Variants in ELMO1 observed in about 807,000 individuals in gnomAD.
The protein encoded by ELMO1 is engulfment and cell motility 1.
A neutral mutation model predicts 98.9 loss-of-function variants in ELMO1; 26 were observed. The ratio of observed to expected loss-of-function variants is 0.26; its 90% CI spans 0.19 to 0.36. ELMO1 has a LOEUF of 0.36. ELMO1 is among the 10% of genes least tolerant of loss of function. The pLI, the probability that ELMO1 is intolerant of heterozygous loss-of-function variation, is 1.00. For missense variants in ELMO1, 627 were observed against 935.2 expected (o/e 0.67, Z 4.30); for synonymous variants, 346 against 346.0 (o/e 1.00, Z 0.00).
intron 15 of ELMO1, among the ~76,000 whole-genome samples, chr7:37,065,063 C>G (rs1796881010): frequency 6.6e-6 from 1 of 152,058 alleles, no homozygotes; most frequent in Admixed American, 6.6e-5. Flanking sequence ...AAACTCACTC[C>G]CAAACACCAC....
intron 16 of ELMO1, among the ~76,000 whole-genome samples, chr7:36,990,266 C>T (rs1264030287): frequency 6.6e-6 from 1 of 152,196 alleles, no homozygotes; most frequent in Non-Finnish European, 1.5e-5. Flanking sequence ...GCTTACAGAG[C>T]TGCTGGTGAG....
intron 15 of ELMO1, among the ~76,000 whole-genome samples, chr7:37,041,260 G>C (rs1176770837): frequency 6.6e-6 from 1 of 152,138 alleles, no homozygotes; most frequent in Non-Finnish European, 1.5e-5. Flanking sequence ...TGTCCTTAGG[G>C]GAAAGGAATA....
chr7:36,958,175 CT>C (rs1208040986), intron 16 of ELMO1, among the ~76,000 whole-genome samples: 1 of 152,184 alleles, frequency 6.6e-6, no homozygotes, highest in Non-Finnish European at 1.5e-5. Context: ...ATAATCTCTC[CT>C]TTTGTATTCA....
At chr7:37,282,029 TGTGGA>T in intron 4 of ELMO1, among the ~76,000 whole-genome samples, 1 of 108 alleles carries the variant, frequency 9.3e-3, no homozygotes, top group Middle Eastern at 0.5. Flanking sequence ...TCAGCCTCCA[TGTGGA>T]TGGGTAATAA....
At chr7:37,321,716 CAAAAAAA>C (rs565421716) in intron 2 of ELMO1, among the ~76,000 whole-genome samples, 64 of 66,086 alleles carry the variant, frequency 9.7e-4, no homozygotes, top group Middle Eastern at 8.9e-3. Flanking sequence ...GACTCCGTCT[CAAAAAAA>C]AAAAAAAAAA....
At chr7:36,900,150 A>C (rs1806381148) in intron 16 of ELMO1, among the ~76,000 whole-genome samples, 1 of 152,172 alleles carries the variant, frequency 6.6e-6, no homozygotes, top group African/African-American at 2.4e-5. Flanking sequence ...TCTCTAGGTG[A>C]TTTTAATGCA....
At chr7:36,979,095 T>C (rs1374769799) in intron 16 of ELMO1, among the ~76,000 whole-genome samples, 1 of 152,154 alleles carries the variant, frequency 6.6e-6, no homozygotes, top group African/African-American at 2.4e-5. Context: ...GTGTAGTGCC[T>C]TTCTCTCTGG....
chr7:37,372,629 A>C (rs1385624781), intron 1 of ELMO1, among the ~76,000 whole-genome samples: 1 of 152,190 alleles, frequency 6.6e-6, no homozygotes, highest in Non-Finnish European at 1.5e-5. Flanking sequence ...TACACTAATA[A>C]AATTTTCTCT....
At position 37,179,461 on chromosome 7, in the gene ELMO1, T is replaced by C. The variant is rs192619274; in HGVS notation, c.1086+31925A>G. Among the ~76,000 whole-genome samples, 1,492 of 152,154 alleles carry C rather than the reference T, an allele frequency of 9.8e-3. 15 individuals are homozygous for C. Among genetic ancestry groups the C allele is most frequent in the South Asian group, 0.033 (157 of 4,806 alleles). On this transcript the variant is annotated intron_variant, in intron 13 of 21. Transcript: ENST00000310758. ...ACCGGCTAATTTTTTGTATTTTTAG[T>C]AGAGACAGGATTTCACTATGTTGCC...
intron 15 of ELMO1, among the ~76,000 whole-genome samples, chr7:37,072,986 C>CA (rs1209108032): frequency 6.6e-6 from 1 of 152,156 alleles, no homozygotes; most frequent in African/African-American, 2.4e-5. Flanking sequence ...CCAGAAACAT[C>CA]AAAGGAAACT....
At chr7:37,173,945 T>G (rs1790347442) in intron 13 of ELMO1, among the ~76,000 whole-genome samples, 1 of 152,186 alleles carries the variant, frequency 6.6e-6, no homozygotes, top group Non-Finnish European at 1.5e-5. Context: ...CAGCCCATCT[T>G]CTGGTGAAGC....
At chr7:37,142,626 G>C (rs1563030822) in intron 13 of ELMO1, among the ~76,000 whole-genome samples, 1 of 152,198 alleles carries the variant, frequency 6.6e-6, no homozygotes, top group Non-Finnish European at 1.5e-5. Flanking sequence ...CTAGCATTTA[G>C]ACTTTACATA....
intron 1 of ELMO1, among the ~76,000 whole-genome samples, chr7:37,444,716 G>A (rs1468866463): frequency 6.6e-6 from 1 of 152,124 alleles, no homozygotes; most frequent in African/African-American, 2.4e-5. Flanking sequence ...GGGTTTCACC[G>A]CCTTAGCCAG....
At chr7:37,136,968 A>C (rs542028012) in intron 13 of ELMO1, among the ~76,000 whole-genome samples, 1 of 152,324 alleles carries the variant, frequency 6.6e-6, no homozygotes, top group South Asian at 2.1e-4. Flanking sequence ...TAAAAGGTAC[A>C]GAACGGCAGA....
chr7:37,272,756 A>G (rs1179872849), intron 4 of ELMO1, among the ~76,000 whole-genome samples: 1 of 152,238 alleles, frequency 6.6e-6, no homozygotes, highest in Non-Finnish European at 1.5e-5. Flanking sequence ...ACACTAAGTG[A>G]AAGATGCCAG....
At chr7:37,282,674 G>A (rs1042557824) in intron 4 of ELMO1, among the ~76,000 whole-genome samples, 3 of 152,170 alleles carry the variant, frequency 2.0e-5, no homozygotes, top group South Asian at 2.1e-4. Context: ...GAAGGATAAG[G>A]AAGAAAAAGT....
At chr7:37,153,910 A>G (rs1395372809) in intron 13 of ELMO1, among the ~76,000 whole-genome samples, 1 of 152,148 alleles carries the variant, frequency 6.6e-6, no homozygotes. Context: ...GTAGGAGCAG[A>G]CAGACACCTC....
intron 6 of ELMO1, among the ~76,000 whole-genome samples, chr7:37,245,190 T>C (rs1048380133): frequency 6.6e-6 from 1 of 152,186 alleles, no homozygotes; most frequent in Non-Finnish European, 1.5e-5. Flanking sequence ...GAAGTCTCTC[T>C]GACTTCTGAT....
chr7:36,870,246 G>T lies in ELMO1; in HGVS notation c.1905+147C>A. 1.6e-6 allele frequency: 1 copy of T among 631,860 alleles called. No individual in the cohort carries two copies. Among genetic ancestry groups the T allele is most frequent in the South Asian group, 2.0e-5 (1 of 49,186 alleles). The allele number at this position is 631,860 out of a possible 1,614,324, so 39.1% of individuals were successfully genotyped here. ...AAGGGTAAGAGACGTAAAAGGAATC[G>T]GGACAGGAAACAGGAGAGCTGAATA... On this transcript the variant is annotated intron_variant, in intron 20 of 21. Transcript: ENST00000310758. The surrounding 1 kb of genome is among the most constrained non-coding windows in gnomAD (Gnocchi z 4.4).
Sources: allele counts gnomAD v4.1 joint callset (sites outside exome capture counted in the v4.1 genomes callset), GRCh38; gene constraint gnomAD v4.1.1; non-coding constraint Gnocchi (gnomAD v3.1); transcripts MANE v1.5; gene names NCBI Gene and HGNC (gene_info 2026-07-23, HGNC 2026-07-21).